The following NAV2 variants were observed in gnomAD, a reference collection of about 807,000 sequenced individuals.
NAV2 encodes neuron navigator 2.
NAV2 carries 54 observed loss-of-function variants against 223.2 expected under a neutral mutation model. The observed-to-expected ratio is 0.24, with a 90% CI of 0.19 to 0.30. The LOEUF is 0.30. Among genes scored for constraint, NAV2 ranks in the 10% least tolerant of loss-of-function variants. The pLI, the probability that NAV2 is intolerant of heterozygous loss-of-function variation, is 1.00. For missense variants in NAV2, 2,806 were observed against 3,147.5 expected (o/e 0.89, Z 2.60); for synonymous variants, 1,279 against 1,239.3 (o/e 1.03, Z -0.67).
chr11:20,019,754 C>A (rs1463444739), intron 11 of NAV2, among the ~76,000 whole-genome samples: 1 of 151,758 alleles, frequency 6.6e-6, no homozygotes, highest in East Asian at 1.9e-4. Flanking sequence ...GGGATGAGGC[C>A]CACTCAAGAA....
rs374330614 is a variant in NAV2 at position 19,820,995 on chromosome 11, G to A, written c.268-11489G>A. The stretch of plus-strand genomic sequence containing the variant: ...GGAAGATCGAGGGCCGGGCGCAGTG[G>A]CTCACGCCTGTAATCCCAGCACTTT... On this transcript the variant is annotated intron_variant, in intron 1 of 37. Coordinates refer to ENST00000349880, the MANE Select transcript of NAV2 (RefSeq NM_145117.5). Among the ~76,000 whole-genome samples, 42 of 152,346 alleles carry A rather than the reference G, an allele frequency of 2.8e-4. 1 individual carries two copies. The South Asian group carries it at 8.5e-3, about 31-fold the overall frequency.
At chr11:19,685,514 G>A (rs2152242163) in intron 1 of NAV2, among the ~76,000 whole-genome samples, 1 of 152,284 alleles carries the variant, frequency 6.6e-6, no homozygotes, top group East Asian at 1.9e-4. Flanking sequence ...GGAAGAGGAG[G>A]AAGGGTAACA....
At chr11:19,619,101 T>C (rs1358274888) in intron 1 of NAV2, among the ~76,000 whole-genome samples, 1 of 150,428 alleles carries the variant, frequency 6.6e-6, no homozygotes, top group Non-Finnish European at 1.5e-5. Context: ...TCCTGTGTTA[T>C]GGCTGCATAG....
intron 1 of NAV2, among the ~76,000 whole-genome samples, chr11:19,370,832 G>C (rs60522295): frequency 0.015 from 2,348 of 152,324 alleles, 73 homozygotes; most frequent in African/African-American, 0.054. Context: ...AGGAGACATG[G>C]CTTCCAACCT....
intron 3 of NAV2, among the ~76,000 whole-genome samples, chr11:19,867,783 G>A (rs985835952): frequency 5.9e-5 from 9 of 152,290 alleles, no homozygotes; most frequent in Non-Finnish European, 1.0e-4. Context: ...TAAAGCACTT[G>A]GAAGATGTGA....
At chr11:19,482,716 G>T (rs1185541282) in intron 1 of NAV2, among the ~76,000 whole-genome samples, 3 of 152,184 alleles carry the variant, frequency 2.0e-5, no homozygotes, top group African/African-American at 7.2e-5. Flanking sequence ...GCAGTGGCAT[G>T]GAGGAGAATG....
At position 19,816,173 on chromosome 11, in the gene NAV2, C is replaced by T. The variant is rs2059080632; in HGVS notation, c.268-16311C>T. ...GGAGAAGGGCCCGGGGCACAACGGT[C>T]ATTTCCACTGTGGCCAAGTCTCTTG... On this transcript the variant is annotated intron_variant, in intron 1 of 37. Transcript: ENST00000349880. Among the ~76,000 whole-genome samples, 2 of 152,232 alleles carry T rather than the reference C, an allele frequency of 1.3e-5. 1 individual carries two copies. The highest frequency in any genetic ancestry group is 4.1e-4 in the South Asian group (2 of 4,826).
intron 1 of NAV2, among the ~76,000 whole-genome samples, chr11:19,468,706 T>C (rs2133915732): frequency 6.6e-6 from 1 of 152,326 alleles, no homozygotes. Flanking sequence ...AGGATTAAAT[T>C]GAAATAAAAT....
intron 1 of NAV2, among the ~76,000 whole-genome samples, chr11:19,435,199 G>A (rs554593046): frequency 6.6e-6 from 1 of 151,800 alleles, no homozygotes; most frequent in African/African-American, 2.4e-5. Context: ...TATATCCTCC[G>A]ACCAATGTCT....
At chr11:20,033,905 G>A (rs1352773407) in intron 11 of NAV2, among the ~76,000 whole-genome samples, 1 of 152,170 alleles carries the variant, frequency 6.6e-6, no homozygotes, top group Non-Finnish European at 1.5e-5. Flanking sequence ...ACTTTGTAGG[G>A]CTTTCAGCAA....
At chr11:19,417,889 A>G (rs1850443384) in intron 1 of NAV2, among the ~76,000 whole-genome samples, 1 of 152,138 alleles carries the variant, frequency 6.6e-6, no homozygotes, top group Non-Finnish European at 1.5e-5. Flanking sequence ...CAAACACCAC[A>G]TGTTCTCACT....
rs1252882620 is a variant in NAV2 at position 20,045,199 on chromosome 11, G to C, written c.3431G>C (p.Ser1144Thr). 1 of 1,614,194 alleles carries C rather than the reference G, an allele frequency of 6.2e-7. No homozygotes were observed. The highest frequency in any genetic ancestry group is 2.2e-5 in the East Asian group (1 of 44,874). The change falls in exon 14 of 38, where the codon AGC becomes ACC. Residue 1144 changes from serine (S) to threonine (T), a missense_variant. Ser to Thr is a moderately conservative substitution (Grantham distance 58). Transcript: ENST00000349880. Reference sequence around the variant, plus strand: ...ACAGCCAGCGGGGTGACTGTCACCAGCAGGTCAGCCACACTGGGCAAAATC... The same window carrying C: ...ACAGCCAGCGGGGTGACTGTCACCACCAGGTCAGCCACACTGGGCAAAATC... ...MITASGVTVT[S>T]RSATLGKIPK...
chr11:19,708,672 C>G (rs1266125614), upstream of NAV2, among the ~76,000 whole-genome samples: 1 of 152,172 alleles, frequency 6.6e-6, no homozygotes, highest in Non-Finnish European at 1.5e-5. Context: ...GTGCAGCTGG[C>G]ACTTCCTGAT....
At chr11:19,456,128 T>C (rs544771340) in intron 1 of NAV2, among the ~76,000 whole-genome samples, 1 of 152,304 alleles carries the variant, frequency 6.6e-6, no homozygotes, top group East Asian at 1.9e-4. Flanking sequence ...TCCAAGACAG[T>C]TGAGGACCCA....
chr11:19,933,424 G>A lies in NAV2; in HGVS notation c.1180G>A (p.Ala394Thr). The A allele has an allele frequency of 6.3e-7, 1 of 1,585,834 alleles. No homozygotes were observed. Among genetic ancestry groups the A allele is most frequent in the Non-Finnish European group, 8.6e-7 (1 of 1,166,764 alleles). ...PRPTPEAMKP[A>T]PNNQKSMLEK... The stretch of plus-strand genomic sequence containing the variant: ...GCCCACACCTGAAGCCATGAAGCCG[G>A]CCCCCAACAATCAGAAGTCCATGCT... The change falls in exon 7 of 38, where the codon GCC becomes ACC. Residue 394 changes from alanine (A) to threonine (T), a missense_variant. Coordinates refer to ENST00000349880, the MANE Select transcript of NAV2 (RefSeq NM_145117.5). This position sits in a 1 kb window ranked among gnomAD's most constrained non-coding sequence, Gnocchi z 4.3.
intron 3 of NAV2, among the ~76,000 whole-genome samples, chr11:19,863,274 T>C (rs1207073867): frequency 1.3e-5 from 2 of 152,236 alleles, no homozygotes; most frequent in Non-Finnish European, 2.9e-5. Flanking sequence ...TGCCCCAATG[T>C]GGCCCCATCT....
chr11:19,935,929 C>A (rs1388787287), intron 7 of NAV2, among the ~76,000 whole-genome samples: 1 of 141,822 alleles, frequency 7.1e-6, no homozygotes, highest in Non-Finnish European at 1.5e-5. Context: ...ACCATCTCAG[C>A]TCACTGCAAC....
intron 14 of NAV2, 52 bp from the exon 15 acceptor site, chr11:20,048,676 G>C: frequency 2.0e-6 from 3 of 1,490,364 alleles, no homozygotes; most frequent in Non-Finnish European, 1.9e-6. Flanking sequence ...TAACAGTCCG[G>C]TGCCCCTTGG....
intron 11 of NAV2, among the ~76,000 whole-genome samples, chr11:20,018,995 G>A (rs934090390): frequency 6.6e-6 from 1 of 152,188 alleles, no homozygotes; most frequent in African/African-American, 2.4e-5. Flanking sequence ...TAATGAAGAG[G>A]AGAAGCCAGA....
Sources: allele counts gnomAD v4.1 joint callset (sites outside exome capture counted in the v4.1 genomes callset), GRCh38; gene constraint gnomAD v4.1.1; non-coding constraint Gnocchi (gnomAD v3.1); transcripts MANE v1.5; gene names NCBI Gene and HGNC (gene_info 2026-07-23, HGNC 2026-07-21).